Variants in CEP250 observed in about 807,000 individuals in gnomAD.
CEP250 encodes centrosome-associated protein CEP250.
Under a neutral mutation model 315.7 loss-of-function variants are expected in CEP250, and 242 were observed. The ratio of observed to expected loss-of-function variants is 0.77; its 90% CI spans 0.69 to 0.85. CEP250 has a LOEUF of 0.85. CEP250 is among the 40% of genes least tolerant of loss of function. CEP250 has a pLI of 0.00. For synonymous variants in CEP250, 1,088 were observed against 1,175.0 expected, an observed-to-expected ratio of 0.93 and a Z score of 1.51; for missense variants, 2,515 against 2,886.4, an observed-to-expected ratio of 0.87 and a Z score of 2.95.
intron 20 of CEP250, among the ~76,000 whole-genome samples, chr20:35,483,334 A>T (rs1346785937): frequency 2.9e-4 from 42 of 145,406 alleles, no homozygotes; most frequent in African/African-American, 1.1e-3. Context: ...AAAAAAAAAA[A>T]ATTTTTTTTT....
chr20:35,473,623 C>T (rs1166226717), intron 13 of CEP250, 71 bp downstream of exon 13: 4 of 1,447,234 alleles, frequency 2.8e-6, no homozygotes, highest in Non-Finnish European at 3.7e-6. Context: ...AGCCATTTAC[C>T]CACTCCCATC....
At chr20:35,466,277 A>G in intron 7 of CEP250, 73 bp downstream of exon 7, 2 of 1,485,918 alleles carry the variant, frequency 1.3e-6, no homozygotes, top group South Asian at 2.5e-5. Flanking sequence ...CAGTACTGGA[A>G]GGAGTTAACT....
chr20:35,465,782 A>G lies in CEP250; in HGVS notation c.283A>G (p.Asn95Asp), dbSNP rs2062863551. 1 of 1,609,934 alleles carries G rather than the reference A, an allele frequency of 6.2e-7. No homozygotes were observed. The highest frequency in any genetic ancestry group is 8.5e-7 in the Non-Finnish European group (1 of 1,178,654). Reference sequence around the variant, plus strand: ...GAGGTGGGAAAATGTGGAGGAGCCAAACCTGGATGAGCTGCTGGTCCGATT... The same window carrying G: ...GAGGTGGGAAAATGTGGAGGAGCCAGACCTGGATGAGCTGCTGGTCCGATT... ...PQRWENVEEP[N>D]LDELLVRLEE... is the part of the protein sequence containing the mutation. The change falls in exon 6 of 35, where the codon AAC becomes GAC. Residue 95 changes from asparagine to aspartate, a missense_variant. Coordinates refer to ENST00000397527, the MANE Select transcript of CEP250 (RefSeq NM_007186.6).
In CEP250 at chr20:35,474,836, A is replaced by G. The variant is rs1035342933; in HGVS notation, c.1572-666A>G. The G allele has an allele frequency of 3.0e-5, 14 of 471,104 alleles. No homozygotes were observed. The East Asian group carries it at 9.7e-4, about 33-fold the overall frequency. The allele number at this position is 471,104 out of a possible 1,614,324, so 29.2% of individuals were successfully genotyped here. On this transcript the variant is annotated intron_variant, in intron 14 of 34. Coordinates refer to ENST00000397527, the MANE Select transcript of CEP250 (RefSeq NM_007186.6). ...GAGCAATGTTTTGGAAAACGCCAGC[A>G]TAGAACCTGGCATATGGTAGGTCTT...
At chr20:35,494,477 C>A in intron 23 of CEP250, 47 bp from the exon 24 acceptor site, 1 of 1,609,088 alleles carries the variant, frequency 6.2e-7, no homozygotes, top group Non-Finnish European at 8.5e-7. Context: ...ATCTTCCCAC[C>A]GGCCCCCTGC....
chr20:35,465,437 AAAAT>A (rs2062851497), intron 5 of CEP250, among the ~76,000 whole-genome samples: 3 of 145,526 alleles, frequency 2.1e-5, no homozygotes, highest in Admixed American at 6.7e-5. Flanking sequence ...AAAAAAAAAA[AAAAT>A]GAAAGAAGTT....
intron 23 of CEP250, among the ~76,000 whole-genome samples, chr20:35,494,036 G>C (rs6060440): frequency 5.5e-4 from 83 of 152,212 alleles, no homozygotes; most frequent in African/African-American, 1.9e-3. Context: ...GGGCTGAAGT[G>C]CAGATCATAA....
rs587596547 is a variant in CEP250 at position 35,485,064 on chromosome 20, TAA to T, written c.2586+4938_2586+4939del. ...GCAACATAGCAAGACCCTATCTCTT[TAA>T]AAAAAAAAAAAAAAAAAAGGTAAAG... On this transcript the variant is annotated intron_variant, in intron 20 of 34. Transcript: ENST00000397527. 3.1e-3 allele frequency among the ~76,000 whole-genome samples: 405 copies of T among 129,226 alleles called. 1 individual carries two copies. Among genetic ancestry groups the T allele is most frequent in the Middle Eastern group, 8.0e-3 (2 of 250 alleles). The allele number at this position is 129,226 out of a possible 152,430, so 84.8% of individuals were successfully genotyped here.
chr20:35,490,527 C>A, intron 20 of CEP250, 110 bp from the exon 21 acceptor site: 1 of 953,932 alleles, frequency 1.0e-6, no homozygotes, highest in Non-Finnish European at 1.5e-6. Context: ...AGAGAGGTAC[C>A]AAGGTCACCC....
rs1394037704 is a variant in CEP250 at position 35,511,495 on chromosome 20, C to T, written c.7198C>T (p.Gln2400Ter). 1 of 1,614,212 alleles carries T rather than the reference C, an allele frequency of 6.2e-7. No individual in the cohort carries two copies. Among genetic ancestry groups the T allele is most frequent in the Admixed American group, 1.7e-5 (1 of 60,022 alleles). ...CTCACACTCACTTCTTGCCGTGGCC[C>T]AGGCCCCTGAGGCCACTGTCCTGGA... ...SLSHSLLAVA[Q>*]APEATVLEAE... The change falls in exon 35 of 35, where the codon CAG becomes TAG. Residue 2400 changes from glutamine (Q) to a stop codon, truncating the protein, a stop_gained. Coordinates refer to ENST00000397527, the MANE Select transcript of CEP250 (RefSeq NM_007186.6). LOFTEE classifies it high-confidence loss of function.
chr20:35,501,876 C>G lies in CEP250; in HGVS notation c.3930C>G (p.Ser1310=), dbSNP rs775637333. 9.9e-5 allele frequency: 160 copies of G among 1,612,974 alleles called. No homozygotes were observed. Among genetic ancestry groups the G allele is most frequent in the Middle Eastern group, 3.3e-4 (2 of 6,082 alleles). ...CTAAGTGGGAAGGAAAGCAGAACTC[C>G]CTAGAATCTGAGCTGATGGAACTAC... ...EKSKWEGKQN[S]LESELMELHE... The change falls in exon 29 of 35, where the codon TCC becomes TCG. Residue 1310 remains serine (S), a synonymous_variant. Transcript: ENST00000397527.
chr20:35,461,227 G>T (rs939154797), intron 3 of CEP250, among the ~76,000 whole-genome samples: 15 of 152,174 alleles, frequency 9.9e-5, no homozygotes, highest in African/African-American at 3.1e-4. Context: ...GAGTCTTAGG[G>T]TTAATAAAAT....
chr20:35,490,705 G>C lies in CEP250; in HGVS notation c.2655G>C (p.Met885Ile). Residue 885 changes from methionine (M) to isoleucine (I), a missense_variant, in exon 21 of 35, where the codon ATG becomes ATC. By Grantham distance (10) the Met-to-Ile change is conservative. Transcript: ENST00000397527. ...TGGAGAGCTTAGAAAGGGAAAAAAT[G>C]GAGCTGGAAATGAGGCTAAAGGAGC... The part of the protein sequence containing the change: ...KALESLEREK[M>I]ELEMRLKEQQ... The C allele has an allele frequency of 1.2e-6, 2 of 1,613,914 alleles. No homozygotes were observed. The highest frequency in any genetic ancestry group is 1.1e-5 in the South Asian group (1 of 91,074).
intron 9 of CEP250, 94 bp from the exon 10 acceptor site, chr20:35,469,796 G>T (rs2062978931): frequency 1.7e-5 from 12 of 705,918 alleles, no homozygotes; most frequent in African/African-American, 3.6e-5. Flanking sequence ...GTTGGGAGTG[G>T]TTGGGGTTGG....
chr20:35,455,302 G>C (rs1453165653), upstream of CEP250: 5 of 152,264 alleles, frequency 3.3e-5, no homozygotes, highest in Admixed American at 3.3e-4. Context: ...CCGGAGACCC[G>C]CCCGTCTAGG....
At chr20:35,494,489 C>T in intron 23 of CEP250, 35 bp from the exon 24 acceptor site, 1 of 1,612,220 alleles carries the variant, frequency 6.2e-7, no homozygotes, top group Non-Finnish European at 8.5e-7. Flanking sequence ...GCCCCCTGCC[C>T]TGCCATCTTG....
chr20:35,462,197 G>C, intron 3 of CEP250, 68 bp from the exon 4 acceptor site: 2 of 551,324 alleles, frequency 3.6e-6, no homozygotes, highest in South Asian at 5.3e-5. Context: ...TATTTTAAAG[G>C]TTCTGAGGAG....
At chr20:35,489,480 C>A (rs551273396) in intron 20 of CEP250, among the ~76,000 whole-genome samples, 1 of 152,350 alleles carries the variant, frequency 6.6e-6, no homozygotes, top group East Asian at 1.9e-4. Flanking sequence ...TCAATACAAC[C>A]TGAGGAGAAT....
At position 35,496,965 on chromosome 20, in the gene CEP250, G is replaced by A. The variant is rs547123919; in HGVS notation, c.3306+250G>A. ...TGACAGCCCACAGCAAAGTGCACAC[G>A]GGTGTAGCCCATGCAGGCCTGGTTC... On this transcript the variant is annotated intron_variant, in intron 25 of 34. Coordinates refer to ENST00000397527, the MANE Select transcript of CEP250 (RefSeq NM_007186.6). 4.8e-5 allele frequency among the ~76,000 whole-genome samples: 7 copies of A among 145,772 alleles called. No homozygotes were observed. In the South Asian group the frequency reaches 8.3e-4, roughly 17 times the overall value.
Sources: gnomAD v4.1 joint callset for allele counts (sites outside exome capture counted in the v4.1 genomes callset) on GRCh38, gnomAD v4.1.1 for gene constraint, MANE v1.5 for transcripts, NCBI Gene and HGNC (gene_info 2026-07-23, HGNC 2026-07-21) for gene names.